Variants in PCDH11Y observed in about 807,000 individuals in gnomAD.
PCDH11Y encodes protocadherin 11 Y-linked, also known as protocadherin-11 Y-linked.
For synonymous variants in PCDH11Y, 9 were observed against 83.6 expected (o/e 0.11, Z 4.87); for missense variants, 12 against 224.8 (o/e 0.05, Z 6.05).
intron 4 of PCDH11Y, among the ~76,000 whole-genome samples, chrY:5,604,198 G>C: frequency 3.1e-5 from 1 of 32,690 alleles, no homozygotes; most frequent in African/African-American, 1.2e-4. Flanking sequence ...TCTGTTTTGT[G>C]ATCTATTTTC....
At chrY:5,658,972 A>C in intron 4 of PCDH11Y, among the ~76,000 whole-genome samples, 1 of 33,393 alleles carries the variant, frequency 3.0e-5, no homozygotes, top group Non-Finnish European at 7.4e-5. Context: ...AAGGTTTTCC[A>C]TGTATTCTAA....
upstream of PCDH11Y, among the ~76,000 whole-genome samples, chrY:5,055,309 A>T: frequency 9.0e-5 from 3 of 33,376 alleles, no homozygotes; most frequent in Admixed American, 8.4e-4. Context: ...TATCATATGT[A>T]GTCCTCCTGT....
chrY:5,605,223 C>A, intron 4 of PCDH11Y, among the ~76,000 whole-genome samples: 1 of 33,171 alleles, frequency 3.0e-5, no homozygotes, highest in Non-Finnish European at 7.5e-5. Flanking sequence ...TTAATGGTGA[C>A]AAGTCATACT....
intron 4 of PCDH11Y, among the ~76,000 whole-genome samples, chrY:5,643,537 CA>C (rs2053524553): frequency 3.2e-5 from 1 of 30,972 alleles, no homozygotes; most frequent in Non-Finnish European, 7.7e-5. Flanking sequence ...TCCAGATGTC[CA>C]AATTCTACTC....
intron 2 of PCDH11Y, among the ~76,000 whole-genome samples, chrY:5,296,773 C>T (rs2124662580): frequency 6.4e-5 from 2 of 31,321 alleles, no homozygotes; most frequent in East Asian, 1.7e-3. Context: ...CAATGGACTC[C>T]CTCTGGCCAA....
intron 2 of PCDH11Y, among the ~76,000 whole-genome samples, chrY:5,313,256 G>A: frequency 3.0e-5 from 1 of 33,428 alleles, no homozygotes; most frequent in Non-Finnish European, 7.4e-5. Context: ...ACACATCTGG[G>A]AAATACAGAT....
At chrY:5,186,515 A>T (rs2052906211) in intron 2 of PCDH11Y, among the ~76,000 whole-genome samples, 1 of 31,820 alleles carries the variant, frequency 3.1e-5, no homozygotes, top group Non-Finnish European at 7.6e-5. Context: ...CCTTCTTCAC[A>T]TGGCAGCAGC....
chrY:5,581,573 A>G, intron 3 of PCDH11Y, among the ~76,000 whole-genome samples: 1 of 33,310 alleles, frequency 3.0e-5, no homozygotes, highest in Non-Finnish European at 7.5e-5. Flanking sequence ...GCTTGGTCCA[A>G]TTCTATAAAA....
intron 2 of PCDH11Y, among the ~76,000 whole-genome samples, chrY:5,407,850 C>T: frequency 4.1e-5 from 1 of 24,259 alleles, no homozygotes; most frequent in Non-Finnish European, 8.9e-5. Context: ...GCGGGCGGAG[C>T]TTGCAGTGAG....
intron 2 of PCDH11Y, among the ~76,000 whole-genome samples, chrY:5,275,410 C>T: frequency 3.3e-5 from 1 of 30,069 alleles, no homozygotes; most frequent in African/African-American, 1.3e-4. Context: ...GTTCTGATTG[C>T]ACTGGAACCC....
intron 3 of PCDH11Y, among the ~76,000 whole-genome samples, chrY:5,554,390 C>G: frequency 2.9e-5 from 1 of 34,325 alleles, no homozygotes; most frequent in Non-Finnish European, 7.2e-5. Flanking sequence ...TTCCCATTTT[C>G]TGAGGAGAAA....
At chrY:5,466,853 T>C in intron 2 of PCDH11Y, among the ~76,000 whole-genome samples, 1 of 32,967 alleles carries the variant, frequency 3.0e-5, no homozygotes, top group Non-Finnish European at 7.6e-5. Context: ...TATACTAGTC[T>C]GTAGTTAGAG....
intron 2 of PCDH11Y, among the ~76,000 whole-genome samples, chrY:5,218,019 G>GA (rs2052948618): frequency 4.2e-3 from 140 of 33,234 alleles, no homozygotes; most frequent in African/African-American, 0.015. Flanking sequence ...TCAAAAAATA[G>GA]AAAAAAGCTG....
chrY:5,241,237 G>A (rs2052987956), intron 2 of PCDH11Y, among the ~76,000 whole-genome samples: 1 of 32,733 alleles, frequency 3.1e-5, no homozygotes, highest in Non-Finnish European at 7.4e-5. Context: ...TGAAGGGAAC[G>A]TTGTGGATGG....
intron 1 of PCDH11Y, among the ~76,000 whole-genome samples, chrY:5,076,945 T>C: frequency 3.0e-5 from 1 of 33,243 alleles, no homozygotes; most frequent in African/African-American, 1.2e-4. Flanking sequence ...TTTCTATTTC[T>C]GTGAAGAATA....
exon 2 of PCDH11Y, chrY:5,100,578 C>T (rs1231409345): frequency 2.5e-6 from 1 of 392,195 alleles, no homozygotes; most frequent in Non-Finnish European, 3.5e-6. Context: ...AACTGCCTCT[C>T]GATAACACCT....
At chrY:5,436,312 A>G in intron 2 of PCDH11Y, among the ~76,000 whole-genome samples, 2 of 33,631 alleles carry the variant, frequency 5.9e-5, no homozygotes, top group African/African-American at 2.3e-4. Context: ...ATTACCTTGA[A>G]TATAACTAAC....
chrY:5,727,124 A>G, intron 4 of PCDH11Y, among the ~76,000 whole-genome samples: 1 of 33,208 alleles, frequency 3.0e-5, no homozygotes, highest in Admixed American at 2.8e-4. Context: ...ACTGGACTCT[A>G]TAACAAATTG....
At position 5,324,793 on chromosome Y, in the gene PCDH11Y, A is replaced by C. The variant is rs2053116629; in HGVS notation, c.3130-176264A>C. ...CTTCCATATATCCTTCCTTTCATGC[A>C]CGTCCCTGTGAAGAGACCACCAAAC... On this transcript the variant is annotated intron_variant, in intron 2 of 4. Coordinates refer to the PCDH11Y transcript ENST00000400457. 2.8e-3 allele frequency among the ~76,000 whole-genome samples: 92 copies of C among 32,922 alleles called. No individual in the cohort carries two copies. The Middle Eastern group carries it at 0.044, about 16-fold the overall frequency. The allele number at this position is 32,922 out of a possible 37,273, so 88.3% of individuals were successfully genotyped here.
Sources: allele counts gnomAD v4.1 joint callset (sites outside exome capture counted in the v4.1 genomes callset), GRCh38; gene constraint gnomAD v4.1.1; transcripts MANE v1.5; gene names NCBI Gene and HGNC (gene_info 2026-07-23, HGNC 2026-07-21).